ERMP1: variants seen among roughly 807,000 people sequenced by gnomAD.
ERMP1 encodes the protein endoplasmic reticulum metallopeptidase 1, also known as Felix-ina.
ERMP1 carries 86 observed loss-of-function variants against 92.0 expected under a neutral mutation model. The observed-to-expected ratio is 0.93, with a 90% CI of 0.79 to 1.12. ERMP1 has a LOEUF of 1.12. Ranked by LOEUF, ERMP1 falls within the 50% of genes most tolerant of loss-of-function variation. The pLI is 0.00. For synonymous variants in ERMP1, 530 were observed against 412.8 expected (o/e 1.28, Z -3.44); for missense variants, 1,342 against 1,116.3 (o/e 1.20, Z -2.88).
chr9:5,844,267 T>C (rs532648271), intron 6 of ERMP1, among the ~76,000 whole-genome samples: 1 of 152,238 alleles, frequency 6.6e-6, no homozygotes, highest in African/African-American at 2.4e-5. Flanking sequence ...TTTTGTGTTT[T>C]TTTGTTTGTT....
chr9:5,789,505 A>G (rs1180168461), intron 13 of ERMP1, among the ~76,000 whole-genome samples: 1 of 152,268 alleles, frequency 6.6e-6, no homozygotes, highest in Admixed American at 6.5e-5. Context: ...AGTCTAGAGA[A>G]TAAGCTTCAT....
intron 13 of ERMP1, chr9:5,791,191 G>C (rs1004525480): frequency 1.5e-5 from 7 of 456,454 alleles, no homozygotes; most frequent in Admixed American, 7.1e-5. Flanking sequence ...GAGAGAGAGA[G>C]ACAGAGAGAG....
At chr9:5,824,371 C>A (rs1033908625) in intron 3 of ERMP1, among the ~76,000 whole-genome samples, 1 of 152,116 alleles carries the variant, frequency 6.6e-6, no homozygotes, top group East Asian at 1.9e-4. Flanking sequence ...CTCAGGAGTT[C>A]GAGACCAGCC....
At chr9:5,836,411 A>T (rs1027112003), upstream of ERMP1, among the ~76,000 whole-genome samples, 2 of 152,220 alleles carry the variant, frequency 1.3e-5, no homozygotes, top group African/African-American at 4.8e-5. Flanking sequence ...AGAGATGAGA[A>T]GTGAGCCCAA....
chr9:5,847,225 C>T (rs1358277485), intron 6 of ERMP1, among the ~76,000 whole-genome samples: 1 of 152,090 alleles, frequency 6.6e-6, no homozygotes, highest in African/African-American at 2.4e-5. Flanking sequence ...TCTATGTTAT[C>T]AACCCAAATA....
chr9:5,845,143 GTTT>G (rs113368038), intron 6 of ERMP1, among the ~76,000 whole-genome samples: 4 of 18,878 alleles, frequency 2.1e-4, no homozygotes, highest in African/African-American at 3.1e-4. Context: ...AACTTTCAGT[GTTT>G]TTTTTTTTTG....
At position 5,814,389 on chromosome 9, in the gene ERMP1, G is replaced by A. The variant is rs1391827807; in HGVS notation, c.875-1354C>T. 2.0e-5 allele frequency among the ~76,000 whole-genome samples: 3 copies of A among 152,106 alleles called. No homozygotes were observed. In the East Asian group the frequency reaches 5.8e-4, roughly 29 times the overall value. ...ACAGACCAAGTAACTGAATGTCAGG[G>A]AATCTAAGAATATTGTTTTTTTAAC... On this transcript the variant is annotated intron_variant, in intron 4 of 14. Transcript: ENST00000339450.
chr9:5,851,314 G>C (rs1013743729), intron 6 of ERMP1, among the ~76,000 whole-genome samples: 3 of 152,064 alleles, frequency 2.0e-5, no homozygotes, highest in South Asian at 2.1e-4. Context: ...TCTTTCATTT[G>C]TTTCTGTTTA....
At chr9:5,825,263 T>C in intron 2 of ERMP1, 44 bp from the exon 3 acceptor site, 2 of 1,585,952 alleles carry the variant, frequency 1.3e-6, no homozygotes, top group Non-Finnish European at 1.7e-6. Flanking sequence ...TTTTAAAATG[T>C]TTACAATATG....
intron 6 of ERMP1, among the ~76,000 whole-genome samples, chr9:5,847,056 A>G (rs1333420809): frequency 2.0e-5 from 3 of 152,194 alleles, no homozygotes; most frequent in African/African-American, 7.2e-5. Flanking sequence ...AGCAGCCCAT[A>G]GGCAGCCCTC....
intron 1 of ERMP1, among the ~76,000 whole-genome samples, chr9:5,831,940 T>C (rs1265807286): frequency 6.6e-6 from 1 of 152,172 alleles, no homozygotes; most frequent in Non-Finnish European, 1.5e-5. Context: ...TTAATAAGCT[T>C]GCAACACTTT....
Position 5,830,998 on chromosome 9 carries a change from G to A in ERMP1, c.369C>T (p.Gly123=). Residue 123 remains glycine (G), a synonymous_variant, in exon 2 of 15, where the codon GGC becomes GGT. Transcript: ENST00000339450. The stretch of plus-strand genomic sequence containing the variant: ...TTTCTGGACTTCCTGTAGTCCTGGG[G>A]CCAATGGAGGTTATGTGTTCAAGAT... ...RDYLEHITSI[G]PRTTGSPENE... The A allele has an allele frequency of 7.4e-6, 12 of 1,613,910 alleles. No individual in the cohort carries two copies. Among genetic ancestry groups the A allele is most frequent in the Non-Finnish European group, 1.0e-5 (12 of 1,179,832 alleles).
chr9:5,864,307 C>A (rs553442226), intron 5 of ERMP1, among the ~76,000 whole-genome samples: 1 of 152,248 alleles, frequency 6.6e-6, no homozygotes, highest in African/African-American at 2.4e-5. Flanking sequence ...ACTGTTTACT[C>A]AGTAAGGGAA....
intron 6 of ERMP1, among the ~76,000 whole-genome samples, chr9:5,847,465 C>G (rs935787240): frequency 6.6e-6 from 1 of 152,122 alleles, no homozygotes; most frequent in Non-Finnish European, 1.5e-5. Context: ...TCTTCACCTC[C>G]TGAGCTCAAG....
At chr9:5,834,582 T>C (rs1232573670), upstream of ERMP1, among the ~76,000 whole-genome samples, 2 of 152,234 alleles carry the variant, frequency 1.3e-5, no homozygotes, top group African/African-American at 4.8e-5. Flanking sequence ...CAAGATCCCT[T>C]TCAGTCTGTA....
At chr9:5,794,836 T>TATACTA (rs1489822506) in intron 13 of ERMP1, among the ~76,000 whole-genome samples, 1 of 152,152 alleles carries the variant, frequency 6.6e-6, no homozygotes, top group Non-Finnish European at 1.5e-5. Context: ...AGGAAGGAAT[T>TATACTA]ATACTAATTC....
In ERMP1 at chr9:5,833,078, G is replaced by T; in HGVS notation, c.-51C>A. ...AACCGCCCCAACCCGCGACAGCCCC[G>T]GCCGCCGCCGACGCCGCCGTCGCTG... On this transcript the variant is annotated 5_prime_UTR_variant, in exon 1 of 15. Transcript: ENST00000339450. 2 of 1,337,022 alleles carry T rather than the reference G, an allele frequency of 1.5e-6. No homozygotes were observed. Among genetic ancestry groups the T allele is most frequent in the Non-Finnish European group, 9.7e-7 (1 of 1,031,156 alleles). 82.8% of individuals were successfully genotyped at this position (1,337,022 alleles called of 1,614,324 possible). A position where few individuals can be genotyped will look rare whatever the true frequency, so the allele number is the denominator to read the frequency against.
chr9:5,828,194 A>T (rs1240016364), intron 2 of ERMP1, among the ~76,000 whole-genome samples: 1 of 152,230 alleles, frequency 6.6e-6, no homozygotes, highest in African/African-American at 2.4e-5. Context: ...GCTGGCCTTT[A>T]ATTATTAGAC....
At position 5,792,568 on chromosome 9, in the gene ERMP1, T is replaced by A. The variant is rs150789165; in HGVS notation, c.2387-4975A>T. Reference sequence around the variant, plus strand: ...AAACAATGTAAGGCTCCTAAATTGCTGGTCAATTTAAGACTTAAACTTTAG... The same window carrying A: ...AAACAATGTAAGGCTCCTAAATTGCAGGTCAATTTAAGACTTAAACTTTAG... On this transcript the variant is annotated intron_variant, in intron 13 of 14. Transcript: ENST00000339450. Among the ~76,000 whole-genome samples, 249 of 152,314 alleles carry A rather than the reference T, an allele frequency of 1.6e-3. 2 individuals are homozygous for A. The highest frequency in any genetic ancestry group is 5.7e-3 in the African/African-American group (237 of 41,584).
Sources: allele counts gnomAD v4.1 joint callset (sites outside exome capture counted in the v4.1 genomes callset), GRCh38; gene constraint gnomAD v4.1.1; transcripts MANE v1.5; gene names NCBI Gene and HGNC (gene_info 2026-07-23, HGNC 2026-07-21).